TMEM269: variants seen among roughly 807,000 people sequenced by gnomAD.
TMEM269 encodes the protein transmembrane protein 269.
TMEM269 carries 12 observed loss-of-function variants against 15.8 expected under a neutral mutation model. The ratio of observed to expected loss-of-function variants is 0.76; its 90% CI spans 0.49 to 1.23. The LOEUF is 1.23. Among genes scored for constraint, TMEM269 ranks in the 50% most tolerant of loss-of-function variants. The pLI is 0.00. For missense variants in TMEM269, 211 were observed against 245.4 expected, an observed-to-expected ratio of 0.86 and a Z score of 0.94; for synonymous variants, 93 against 99.3, an observed-to-expected ratio of 0.94 and a Z score of 0.38.
At chr1:42,785,528 G>A (rs925075763) in intron 1 of TMEM269, among the ~76,000 whole-genome samples, 2 of 152,044 alleles carry the variant, frequency 1.3e-5, no homozygotes, top group Non-Finnish European at 2.9e-5. Flanking sequence ...CCGTCTCCTG[G>A]CCGGTTTCCT....
Position 42,797,514 on chromosome 1 carries a change from A to G in TMEM269, c.485-584A>G, listed in dbSNP as rs1023026586. 6.6e-6 allele frequency among the ~76,000 whole-genome samples: 1 copy of G among 152,204 alleles called. No homozygotes were observed. Among genetic ancestry groups the G allele is most frequent in the Non-Finnish European group, 1.5e-5 (1 of 68,040 alleles). ...TGTACCAAAATTCCAGATTCCCAGA[A>G]GGAAACCAGGTGTTACCACCGTGCT... On this transcript the variant is annotated intron_variant, in intron 5 of 5. Transcript: ENST00000637012. This position sits in a 1 kb window ranked among gnomAD's most constrained non-coding sequence, Gnocchi z 4.9.
chr1:42,792,039 T>G (rs1653696235), intron 2 of TMEM269, among the ~76,000 whole-genome samples: 1 of 151,688 alleles, frequency 6.6e-6, no homozygotes, highest in Non-Finnish European at 1.5e-5. Flanking sequence ...ATCAGAGAAA[T>G]TGAAAACAAG....
intron 2 of TMEM269, among the ~76,000 whole-genome samples, chr1:42,791,149 G>A (rs774463941): frequency 1.3e-5 from 2 of 152,206 alleles, no homozygotes; most frequent in African/African-American, 2.4e-5. Flanking sequence ...TATCAAGGTT[G>A]GAGATTTCCA....
At chr1:42,787,202 C>T (rs1379619088) in intron 1 of TMEM269, among the ~76,000 whole-genome samples, 1 of 152,204 alleles carries the variant, frequency 6.6e-6, no homozygotes, top group Non-Finnish European at 1.5e-5. Context: ...GGAAAGAACA[C>T]TTAAGGCAAA....
At chr1:42,793,966 C>T (rs1653748550) in intron 4 of TMEM269, among the ~76,000 whole-genome samples, 1 of 152,180 alleles carries the variant, frequency 6.6e-6, no homozygotes, top group South Asian at 2.1e-4. Flanking sequence ...AGCAGCTGTG[C>T]CTCTTTCTCA....
rs1653844510 is a variant in TMEM269, at chr1:42,799,047, A to G, written c.*822A>G. On this transcript the variant is annotated 3_prime_UTR_variant, in exon 6 of 6. Coordinates refer to ENST00000637012, the MANE Select transcript of TMEM269 (RefSeq NM_001354602.2). ...GCGTGAGCCACCGCGCCCGGCCTAC[A>G]TTCTGTATTTTAATAGTTCAAAGCT... The G allele has an allele frequency of 6.6e-6, 1 of 151,938 alleles. No individual in the cohort carries two copies. Among genetic ancestry groups the G allele is most frequent in the African/African-American group, 2.4e-5 (1 of 41,358 alleles). The allele number at this position is 151,938 out of a possible 1,614,324, so 9.4% of individuals were successfully genotyped here.
intron 2 of TMEM269, among the ~76,000 whole-genome samples, chr1:42,791,876 C>A (rs896576545): frequency 6.3e-4 from 96 of 152,290 alleles, no homozygotes; most frequent in African/African-American, 1.9e-3. Flanking sequence ...GTGGCAAATG[C>A]CTGTAATCCC....
At position 42,798,453 on chromosome 1, in the gene TMEM269, G is replaced by A. The variant is rs950815157; in HGVS notation, c.*228G>A. The A allele has an allele frequency of 3.7e-6, 2 of 546,134 alleles. No individual in the cohort carries two copies. The highest frequency in any genetic ancestry group is 6.4e-6 in the Non-Finnish European group (2 of 311,840). 33.8% of individuals were successfully genotyped at this position (546,134 alleles called of 1,614,324 possible). A position where few individuals can be genotyped will look rare whatever the true frequency, so the allele number is the denominator to read the frequency against. ...TGCGGACAATACTTGTTTATGTCATGTAGAGCAGAATATCCCCCCGCCTCA... is the reference window on the plus strand; with the variant it reads ...TGCGGACAATACTTGTTTATGTCATATAGAGCAGAATATCCCCCCGCCTCA... On this transcript the variant is annotated 3_prime_UTR_variant, in exon 6 of 6. Transcript: ENST00000637012.
intron 5 of TMEM269, chr1:42,796,708 A>G (rs1331302057): frequency 2.6e-5 from 4 of 152,096 alleles, no homozygotes; most frequent in South Asian, 2.1e-4. Flanking sequence ...CCAGCCATGT[A>G]CTTTCCAAGA....
intron 1 of TMEM269, among the ~76,000 whole-genome samples, chr1:42,787,420 G>A (rs1653562429): frequency 6.6e-6 from 1 of 151,468 alleles, no homozygotes; most frequent in African/African-American, 2.4e-5. Context: ...CTAACAAGGT[G>A]AAACCCCGTC....
In TMEM269 at chr1:42,798,142, T is replaced by G; in HGVS notation, c.529T>G (p.Tyr177Asp). Residue 177 changes from tyrosine (Y) to aspartate (D), a missense_variant, in exon 6 of 6, where the codon TAC becomes GAC. By Grantham distance (160) the Tyr-to-Asp change is radical. Coordinates refer to ENST00000637012, the MANE Select transcript of TMEM269 (RefSeq NM_001354602.2). Reference sequence around the variant, plus strand: ...CTCCCCATTGTCTCTGTCTGCTTTTTACTGCCTGATGTGGTCGCTCTCGTA... The same window carrying G: ...CTCCCCATTGTCTCTGTCTGCTTTTGACTGCCTGATGTGGTCGCTCTCGTA... Reference protein sequence around the residue: ...FFSPLSLSAFYCLMWSLSYIF... With the variant: ...FFSPLSLSAFDCLMWSLSYIF... 6.4e-7 allele frequency: 1 copy of G among 1,551,124 alleles called. No homozygotes were observed. The highest frequency in any genetic ancestry group is 8.7e-7 in the Non-Finnish European group (1 of 1,147,150).
intron 1 of TMEM269, among the ~76,000 whole-genome samples, chr1:42,786,003 G>A (rs768091961): frequency 6.6e-6 from 1 of 152,178 alleles, no homozygotes; most frequent in Non-Finnish European, 1.5e-5. Context: ...CACAAGGCCC[G>A]GCACAGAGCA....
chr1:42,797,917 G>GT lies in TMEM269; in HGVS notation c.485-179dup, dbSNP rs1342663686. 1 of 720,488 alleles carries GT rather than the reference G, an allele frequency of 1.4e-6. No individual in the cohort carries two copies. 44.6% of individuals were successfully genotyped at this position (720,488 alleles called of 1,614,324 possible). On this transcript the variant is annotated intron_variant, in intron 5 of 5. Coordinates refer to ENST00000637012, the MANE Select transcript of TMEM269 (RefSeq NM_001354602.2). This position sits in a 1 kb window ranked among gnomAD's most constrained non-coding sequence, Gnocchi z 4.9. Reference sequence around the variant, plus strand: ...GACTGCATTGGGCTATACTTCTCTAGTTACTTACCTATCTCTATTAAACTG... The same window carrying GT: ...GACTGCATTGGGCTATACTTCTCTAGTTTACTTACCTATCTCTATTAAACTG...
chr1:42,790,644 G>A (rs1653667887), intron 2 of TMEM269, among the ~76,000 whole-genome samples: 1 of 149,248 alleles, frequency 6.7e-6, no homozygotes, highest in African/African-American at 2.5e-5. Context: ...TATTGCCCAG[G>A]CTGGTCTCAA....
chr1:42,789,692 G>C, intron 1 of TMEM269, 104 bp from the exon 2 acceptor site: 1 of 815,546 alleles, frequency 1.2e-6, no homozygotes, highest in Non-Finnish European at 2.0e-6. Context: ...AGAATGTAGG[G>C]AGGGTGCCAT....
intron 2 of TMEM269, among the ~76,000 whole-genome samples, 200 bp downstream of exon 2, chr1:42,790,134 G>A (rs558601309): frequency 6.6e-6 from 1 of 152,292 alleles, no homozygotes; most frequent in African/African-American, 2.4e-5. Context: ...AGTCTAGAAT[G>A]GTTTCTGTGA....
chr1:42,796,242 T>C (rs1334366295), intron 5 of TMEM269, among the ~76,000 whole-genome samples: 1 of 152,194 alleles, frequency 6.6e-6, no homozygotes, highest in African/African-American at 2.4e-5. Flanking sequence ...CTTAGTGTTC[T>C]TCGCTCCTGT....
In TMEM269 at chr1:42,793,739, C is replaced by T. The variant is rs112563864; in HGVS notation, c.278C>T (p.Ser93Leu). Residue 93 changes from serine to leucine, a missense_variant, in exon 4 of 6, where the codon TCA becomes TTA. Transcript: ENST00000637012. The part of the protein sequence containing the change: ...SAASFHLCFY[S>L]PGVPSTYKGL... Reference sequence around the variant, plus strand: ...GCTTCTTTCCACTTGTGCTTTTATTCACCTGGTGAGTGGAACCAAGGTTGC... The same window carrying T: ...GCTTCTTTCCACTTGTGCTTTTATTTACCTGGTGAGTGGAACCAAGGTTGC... 3.5e-5 allele frequency: 54 copies of T among 1,550,142 alleles called. No individual in the cohort carries two copies. In the African/African-American group the frequency reaches 4.8e-4, roughly 14 times the overall value.
intron 5 of TMEM269, among the ~76,000 whole-genome samples, chr1:42,794,867 A>C (rs1054906246): frequency 6.6e-6 from 1 of 152,210 alleles, no homozygotes; most frequent in African/African-American, 2.4e-5. Flanking sequence ...GTAGGTGCTC[A>C]GTATATACTT....
Sources: allele counts gnomAD v4.1 joint callset (sites outside exome capture counted in the v4.1 genomes callset), GRCh38; gene constraint gnomAD v4.1.1; non-coding constraint Gnocchi (gnomAD v3.1); transcripts MANE v1.5; gene names NCBI Gene and HGNC (gene_info 2026-07-23, HGNC 2026-07-21).